The following SRGAP3 variants were observed in gnomAD, a reference collection of about 807,000 sequenced individuals.
SRGAP3 encodes SLIT-ROBO Rho GTPase activating protein 3.
A neutral mutation model predicts 121.1 loss-of-function variants in SRGAP3; 39 were observed. The ratio of observed to expected loss-of-function variants is 0.32; its 90% confidence interval spans 0.25 to 0.42. The LOEUF (loss-of-function observed/expected upper bound fraction) is 0.42. Among genes scored for constraint, SRGAP3 ranks in the 10% least tolerant of loss-of-function variants. SRGAP3 has a pLI of 1.00. For missense variants in SRGAP3, 1,213 were observed against 1,470.6 expected (o/e 0.82, Z 2.86); for synonymous variants, 601 against 570.0 (o/e 1.05, Z -0.77).
At chr3:9,147,533 C>A (rs1377017485) in intron 1 of SRGAP3, among the ~76,000 whole-genome samples, 2 of 152,082 alleles carry the variant, frequency 1.3e-5, no homozygotes, top group African/African-American at 4.8e-5. Flanking sequence ...GGCTCCCTGC[C>A]CCTAAATCTC....
intron 1 of SRGAP3, chr3:9,348,653 A>G (rs1955950999): frequency 9.3e-7 from 1 of 1,076,622 alleles, no homozygotes. Context: ...GGACAGTGCT[A>G]GATGCCATTG....
At chr3:9,187,928 T>C (rs115979717) in intron 1 of SRGAP3, among the ~76,000 whole-genome samples, 49 of 152,084 alleles carry the variant, frequency 3.2e-4, no homozygotes, top group African/African-American at 1.2e-3. Context: ...TCCCCCAAAC[T>C]CATTTAGCAA....
chr3:9,062,053 G>A (rs1363987971), intron 5 of SRGAP3, among the ~76,000 whole-genome samples: 1 of 150,838 alleles, frequency 6.6e-6, no homozygotes, highest in Non-Finnish European at 1.5e-5. Context: ...CAGGGTCCTG[G>A]CAGTTACATC....
At chr3:9,135,519 C>G (rs1252748698) in intron 1 of SRGAP3, among the ~76,000 whole-genome samples, 1 of 152,200 alleles carries the variant, frequency 6.6e-6, no homozygotes, top group African/African-American at 2.4e-5. Flanking sequence ...GTGGATAGAC[C>G]CAGCAGAGCC....
chr3:9,144,219 T>A (rs1195579656), intron 1 of SRGAP3, among the ~76,000 whole-genome samples: 1 of 152,264 alleles, frequency 6.6e-6, no homozygotes, highest in Non-Finnish European at 1.5e-5. Flanking sequence ...GCTTTTAGGA[T>A]AACAGATCAA....
chr3:9,189,448 T>A (rs149263229), intron 1 of SRGAP3, among the ~76,000 whole-genome samples: 34 of 152,338 alleles, frequency 2.2e-4, no homozygotes, highest in East Asian at 7.7e-4. Context: ...GGATGAAGTA[T>A]CTGTGGAGCC....
At chr3:8,995,324 T>A (rs78713050) in intron 18 of SRGAP3, among the ~76,000 whole-genome samples, 1 of 151,796 alleles carries the variant, frequency 6.6e-6, no homozygotes, top group African/African-American at 2.4e-5. Flanking sequence ...AATTTTTTTT[T>A]AATTAGCTGG....
chr3:9,134,269 G>A (rs1024964773), intron 1 of SRGAP3, among the ~76,000 whole-genome samples: 2 of 152,082 alleles, frequency 1.3e-5, no homozygotes, highest in Non-Finnish European at 1.5e-5. Flanking sequence ...TGAAAACACA[G>A]TAACTGTTCT....
intron 12 of SRGAP3, among the ~76,000 whole-genome samples, chr3:9,027,453 G>T (rs1944273697): frequency 6.6e-6 from 1 of 152,206 alleles, no homozygotes; most frequent in Non-Finnish European, 1.5e-5. Flanking sequence ...CAGGGGGGAA[G>T]CAAGGCTGGC....
rs1033227063 is a variant in SRGAP3, at chr3:9,178,009, T to C, written c.68-53092A>G. Among the ~76,000 whole-genome samples the C allele has an allele frequency of 2.6e-4, 40 of 152,198 alleles. 1 individual carries two copies. Among genetic ancestry groups the C allele is most frequent in the Admixed American group, 2.3e-3 (35 of 15,284 alleles). The stretch of plus-strand genomic sequence containing the variant: ...GGGGCTGGGCGTGGTGGCTCACACC[T>C]GTAATCCTAGCACTTTGGGAGGCCA... On this transcript the variant is annotated intron_variant, in intron 1 of 21. Coordinates refer to ENST00000383836, the MANE Select transcript of SRGAP3 (RefSeq NM_014850.4).
intron 1 of SRGAP3, among the ~76,000 whole-genome samples, chr3:9,141,647 G>A (rs890123402): frequency 4.7e-5 from 7 of 149,802 alleles, no homozygotes; most frequent in Admixed American, 6.7e-5. Context: ...GATTTTCAAA[G>A]CAAATTTCAA....
At chr3:9,043,728 T>C (rs1448257135) in intron 10 of SRGAP3, among the ~76,000 whole-genome samples, 3 of 152,174 alleles carry the variant, frequency 2.0e-5, no homozygotes, top group Non-Finnish European at 4.4e-5. Context: ...GGTTCAGTAA[T>C]TTTCTAGAAA....
rs1335128300 is a variant in SRGAP3, at chr3:9,256,981, A to C, written n.442+69029T>G. 2.3e-5 allele frequency: 9 copies of C among 396,930 alleles called. 1 individual carries two copies. The allele number at this position is 396,930 out of a possible 1,614,324, so 24.6% of individuals were successfully genotyped here. On this transcript the variant is annotated intron_variant and non_coding_transcript_variant, in intron 3 of 3. Transcript: ENST00000490889. ...ACTGATAAGCTGTGTGACCTTGGGC[A>C]AGTTGTTAGCTGGCACCCAGTAAGT...
At chr3:9,361,761 T>C (rs571042411) in intron 1 of SRGAP3, among the ~76,000 whole-genome samples, 1 of 152,146 alleles carries the variant, frequency 6.6e-6, no homozygotes, top group African/African-American at 2.4e-5. Flanking sequence ...GCAGTTTCAA[T>C]AGAACAACCG....
At chr3:9,268,454 G>T (rs1954410571) in intron 3 of SRGAP3, among the ~76,000 whole-genome samples, 1 of 152,076 alleles carries the variant, frequency 6.6e-6, no homozygotes, top group Non-Finnish European at 1.5e-5. Flanking sequence ...CGACTGAGAG[G>T]CTCCAAAGTT....
chr3:9,028,064 C>T lies in SRGAP3; in HGVS notation c.1540-1069G>A, dbSNP rs535286797. On this transcript the variant is annotated intron_variant, in intron 12 of 21. Transcript: ENST00000383836. Reference sequence around the variant, plus strand: ...TCAGCACTAAAGACAGTTTCCATCACGGTGAATGGGGCTAATGGGCCTTTC... The same window carrying T: ...TCAGCACTAAAGACAGTTTCCATCATGGTGAATGGGGCTAATGGGCCTTTC... 4.6e-5 allele frequency: 74 copies of T among 1,613,568 alleles called. No individual in the cohort carries two copies. In the South Asian group the frequency reaches 6.7e-4, roughly 15 times the overall value.
intron 3 of SRGAP3, among the ~76,000 whole-genome samples, chr3:9,259,267 G>A (rs1346996380): frequency 1.3e-5 from 2 of 151,922 alleles, no homozygotes; most frequent in Non-Finnish European, 2.9e-5. Flanking sequence ...CTACTTTGGT[G>A]GGGAGTGGGT....
Position 9,060,367 on chromosome 3 carries a change from A to C in SRGAP3, c.673-8T>G. 6.2e-7 allele frequency: 1 copy of C among 1,613,902 alleles called. No individual in the cohort carries two copies. Among genetic ancestry groups the C allele is most frequent in the Non-Finnish European group, 8.5e-7 (1 of 1,179,938 alleles). On this transcript the variant is annotated splice_polypyrimidine_tract_variant and splice_region_variant and intron_variant, in intron 5 of 21. Coordinates refer to ENST00000383836, the MANE Select transcript of SRGAP3 (RefSeq NM_014850.4). ...AGAGTACTTGGCCTGCCTCTGGAAGAAGAAAAGAGTAGATGTAAGAGCAAG... is the reference window on the plus strand; with the variant it reads ...AGAGTACTTGGCCTGCCTCTGGAAGCAGAAAAGAGTAGATGTAAGAGCAAG...
chr3:9,017,054 T>C (rs1943674907), intron 14 of SRGAP3, among the ~76,000 whole-genome samples: 2 of 152,304 alleles, frequency 1.3e-5, no homozygotes, highest in Middle Eastern at 3.4e-3. Context: ...CAATTACTTT[T>C]TACTTTCCTT....
Sources: gnomAD v4.1 joint callset for allele counts (sites outside exome capture counted in the v4.1 genomes callset) on GRCh38, gnomAD v4.1.1 for gene constraint, MANE v1.5 for transcripts, NCBI Gene and HGNC (gene_info 2026-07-23, HGNC 2026-07-21) for gene names.